SPATA6L: variants seen among roughly 807,000 people sequenced by gnomAD.
SPATA6L encodes spermatogenesis associated 6-like protein.
In SPATA6L, 68 loss-of-function variants were observed where a neutral mutation model predicts 49.2. The ratio of observed to expected loss-of-function variants is 1.38; its 90% CI spans 1.14 to 1.69. The LOEUF (loss-of-function observed/expected upper bound fraction) is 1.69. SPATA6L is among the 40% of genes most tolerant of loss of function. The pLI is 0.00. For missense variants in SPATA6L, 668 were observed against 464.3 expected (o/e 1.44, Z -4.03); for synonymous variants, 198 against 165.7 (o/e 1.19, Z -1.50).
chr9:4,635,167 C>G (rs1161635890), intron 4 of SPATA6L, 108 bp downstream of exon 4: 1 of 1,226,168 alleles, frequency 8.2e-7, no homozygotes, highest in Admixed American at 3.1e-5. Flanking sequence ...CTAAACAGAA[C>G]AGCAGGGGTA....
At chr9:4,628,584 C>A (rs1038136815) in intron 5 of SPATA6L, 1 of 154,600 alleles carries the variant, frequency 6.5e-6, no homozygotes, top group African/African-American at 2.4e-5. Flanking sequence ...GTAGCTGGGA[C>A]TACAGGCGCA....
chr9:4,616,971 A>T (rs566846073), intron 9 of SPATA6L, among the ~76,000 whole-genome samples: 1 of 152,248 alleles, frequency 6.6e-6, no homozygotes, highest in Non-Finnish European at 1.5e-5. Flanking sequence ...AATGGATTTT[A>T]TTAAAATATT....
At chr9:4,647,840 T>TTG (rs35100579) in intron 3 of SPATA6L, among the ~76,000 whole-genome samples, 74,431 of 141,872 alleles carry the variant, frequency 0.52, 19,310 homozygotes, top group African/African-American at 0.7. Context: ...TTTTAGTTTT[T>TTG]TTTTTTTTTT....
At chr9:4,658,521 G>A (rs971665580) in intron 2 of SPATA6L, among the ~76,000 whole-genome samples, 8 of 152,096 alleles carry the variant, frequency 5.3e-5, no homozygotes, top group African/African-American at 1.7e-4. Context: ...ATGAAAAAGT[G>A]GTTCCATGAT....
chr9:4,595,034 T>C (rs1822153471), downstream of SPATA6L, among the ~76,000 whole-genome samples: 1 of 152,198 alleles, frequency 6.6e-6, no homozygotes, highest in South Asian at 2.1e-4. Context: ...CCTATTTTGT[T>C]CTCTTAGTCG....
chr9:4,666,063 T>G, intron 1 of SPATA6L, 149 bp downstream of exon 1: 1 of 670,014 alleles, frequency 1.5e-6, no homozygotes, highest in East Asian at 2.9e-5. Flanking sequence ...AAAACCAATA[T>G]GGAGAAAAAG....
At chr9:4,644,031 GA>G (rs1215154021) in intron 3 of SPATA6L, among the ~76,000 whole-genome samples, 1 of 151,362 alleles carries the variant, frequency 6.6e-6, no homozygotes, top group African/African-American at 2.4e-5. Flanking sequence ...GAAAAAAAAA[GA>G]TGTAGATTTA....
In SPATA6L at chr9:4,635,339, T is replaced by A. The variant is rs368972585; in HGVS notation, c.287A>T (p.Lys96Met). ...NTRDFLFPEP[K>M]LTPSHPRRCR... ...CCTCCTAGGGTGCGAAGGTGTCAGC[T>A]TGGGCTCTGGGAAAAGAAAATCTCG... Residue 96 changes from lysine to methionine, a missense_variant, in exon 4 of 12, where the codon AAG (lysine) becomes ATG (methionine). Coordinates refer to ENST00000682582, the MANE Select transcript of SPATA6L (RefSeq NM_001353486.2). 3.8e-6 allele frequency: 6 copies of A among 1,590,542 alleles called. No homozygotes were observed. Among genetic ancestry groups the A allele is most frequent in the Non-Finnish European group, 5.1e-6 (6 of 1,171,712 alleles).
chr9:4,599,988 C>A lies in SPATA6L; in HGVS notation c.*823G>T, dbSNP rs1239096069. Among the ~76,000 whole-genome samples the A allele has an allele frequency of 6.6e-6, 1 of 152,180 alleles. No individual in the cohort carries two copies. Among genetic ancestry groups the A allele is most frequent in the East Asian group, 1.9e-4 (1 of 5,188 alleles). Reference sequence around the variant, plus strand: ...CCTTTATCCCAGCCCCTTCCTATTCCTGCTCCCTCACACTGTGTAAGCATT... The same window carrying A: ...CCTTTATCCCAGCCCCTTCCTATTCATGCTCCCTCACACTGTGTAAGCATT... On this transcript the variant is annotated 3_prime_UTR_variant, in exon 12 of 12. Coordinates refer to ENST00000682582, the MANE Select transcript of SPATA6L (RefSeq NM_001353486.2).
At chr9:4,642,100 G>A (rs1362943530) in intron 3 of SPATA6L, among the ~76,000 whole-genome samples, 2 of 152,148 alleles carry the variant, frequency 1.3e-5, no homozygotes, top group East Asian at 1.9e-4. Context: ...TTATCTGTCA[G>A]GGATTGTTGA....
chr9:4,653,377 T>A (rs774639991), intron 3 of SPATA6L, among the ~76,000 whole-genome samples: 1 of 152,204 alleles, frequency 6.6e-6, no homozygotes, highest in African/African-American at 2.4e-5. Flanking sequence ...ATCATCTAGA[T>A]GTAAGAGCCA....
chr9:4,604,431 A>G (rs1824206358), intron 10 of SPATA6L, among the ~76,000 whole-genome samples, 162 bp from the exon 11 acceptor site: 1 of 152,034 alleles, frequency 6.6e-6, no homozygotes, highest in Admixed American at 6.6e-5. Flanking sequence ...CTTTTTTTGT[A>G]GAGACGAGGT....
At chr9:4,659,745 G>A (rs1418700755) in intron 2 of SPATA6L, among the ~76,000 whole-genome samples, 5 of 152,028 alleles carry the variant, frequency 3.3e-5, no homozygotes, top group South Asian at 2.1e-4. Flanking sequence ...AAAAGAACAA[G>A]GCTGGAAGCA....
Position 4,662,794 on chromosome 9 carries a change from C to T in SPATA6L, c.40-758G>A. On this transcript the variant is annotated intron_variant, in intron 1 of 11. Coordinates refer to ENST00000682582, the MANE Select transcript of SPATA6L (RefSeq NM_001353486.2). The surrounding 1 kb of genome is among the most constrained non-coding windows in gnomAD (Gnocchi z 4.9). Reference sequence around the variant, plus strand: ...CCCCTTATGAAGCTGCTGGAGATCTCGGGACACGGCATCCCCTGGCTGCTG... The same window carrying T: ...CCCCTTATGAAGCTGCTGGAGATCTTGGGACACGGCATCCCCTGGCTGCTG... 1.2e-6 allele frequency: 2 copies of T among 1,605,130 alleles called. No homozygotes were observed. The highest frequency in any genetic ancestry group is 1.7e-6 in the Non-Finnish European group (2 of 1,179,930).
At chr9:4,660,096 A>G (rs1046987656) in intron 2 of SPATA6L, among the ~76,000 whole-genome samples, 6 of 152,240 alleles carry the variant, frequency 3.9e-5, no homozygotes, top group African/African-American at 1.2e-4. Flanking sequence ...AACCTAAGCA[A>G]TACCATTCAG....
At chr9:4,655,789 G>C (rs1023763387) in intron 3 of SPATA6L, among the ~76,000 whole-genome samples, 9 of 151,970 alleles carry the variant, frequency 5.9e-5, no homozygotes, top group African/African-American at 2.2e-4. Flanking sequence ...GACCTCAAGG[G>C]ATTCACCCGC....
chr9:4,659,112 G>A (rs1263744732), intron 2 of SPATA6L, among the ~76,000 whole-genome samples: 3 of 152,126 alleles, frequency 2.0e-5, no homozygotes, highest in African/African-American at 4.8e-5. Flanking sequence ...CTGAGTATAT[G>A]TTCCAAGGTA....
intron 3 of SPATA6L, among the ~76,000 whole-genome samples, chr9:4,654,991 T>G (rs2130750740): frequency 6.6e-6 from 1 of 152,282 alleles, no homozygotes; most frequent in East Asian, 1.9e-4. Flanking sequence ...GGTACCACTC[T>G]CTTCTCTTCC....
rs1564096426 is a variant in SPATA6L at position 4,600,491 on chromosome 9, G to GAGAGAGAGAGAGAGAGA, written c.*319_*320insTCTCTCTCTCTCTCTCT. ...AGAGAGACAGAGAGAGCCAGAGAGAGCCAGAGAGAGAGAGAGGGGAAGTGT... is the reference window on the plus strand; with the variant it reads ...AGAGAGACAGAGAGAGCCAGAGAGAGAGAGAGAGAGAGAGAGACCAGAGAGAGAGAGAGGGGAAGTGT... On this transcript the variant is annotated 3_prime_UTR_variant, in exon 12 of 12. Coordinates refer to ENST00000682582, the MANE Select transcript of SPATA6L (RefSeq NM_001353486.2). 1 of 144,558 alleles carries GAGAGAGAGAGAGAGAGA rather than the reference G, an allele frequency of 6.9e-6. No homozygotes were observed. Among genetic ancestry groups the GAGAGAGAGAGAGAGAGA allele is most frequent in the Non-Finnish European group, 1.5e-5 (1 of 65,808 alleles). 9.0% of individuals were successfully genotyped at this position (144,558 alleles called of 1,614,324 possible).
Sources: gnomAD v4.1 joint callset for allele counts (sites outside exome capture counted in the v4.1 genomes callset) on GRCh38, gnomAD v4.1.1 for gene constraint, Gnocchi (gnomAD v3.1) non-coding constraint, MANE v1.5 for transcripts, NCBI Gene and HGNC (gene_info 2026-07-23, HGNC 2026-07-21) for gene names.